The following DCDC1 variants were observed in gnomAD, a reference collection of about 807,000 sequenced individuals.
DCDC1 encodes the protein doublecortin domain containing 1.
DCDC1 carries 200 observed loss-of-function variants against 178.3 expected under a neutral mutation model. That is an observed-to-expected ratio of 1.12 (90% CI 1.00 to 1.26). DCDC1 has a LOEUF of 1.26. Ranked by LOEUF, DCDC1 falls within the 50% of genes most tolerant of loss-of-function variation. DCDC1 has a pLI of 0.00. For missense variants in DCDC1, 1,983 were observed against 1,749.2 expected (o/e 1.13, Z -2.38); for synonymous variants, 690 against 604.8 (o/e 1.14, Z -2.07).
intron 9 of DCDC1, among the ~76,000 whole-genome samples, chr11:31,210,054 G>A (rs896571802): frequency 1.1e-4 from 16 of 152,070 alleles, no homozygotes; most frequent in Non-Finnish European, 1.2e-4. Context: ...TGCTACATGG[G>A]GGGTATCCGA....
intron 9 of DCDC1, among the ~76,000 whole-genome samples, chr11:31,189,270 C>G (rs540607764): frequency 6.6e-6 from 1 of 152,088 alleles, no homozygotes; most frequent in Non-Finnish European, 1.5e-5. Context: ...TCCAAAGGCA[C>G]ACGAAATCTA....
intron 30 of DCDC1, among the ~76,000 whole-genome samples, chr11:30,906,049 G>A (rs1945038263): frequency 6.6e-6 from 1 of 152,192 alleles, no homozygotes; most frequent in Non-Finnish European, 1.5e-5. Flanking sequence ...TTATAGGAAA[G>A]CGGTAAGAGT....
intron 20 of DCDC1, among the ~76,000 whole-genome samples, chr11:30,983,478 T>C (rs564628631): frequency 2.0e-5 from 3 of 152,214 alleles, no homozygotes; most frequent in Admixed American, 6.5e-5. Flanking sequence ...TCTAAATTCA[T>C]ATAACTTTTA....
rs1030129320 is a variant in DCDC1 at position 31,366,824 on chromosome 11, G to A, written c.-125+2873C>T. Among the ~76,000 whole-genome samples the A allele has an allele frequency of 3.9e-5, 6 of 152,170 alleles. 1 individual carries two copies. Among genetic ancestry groups the A allele is most frequent in the Admixed American group, 2.0e-4 (3 of 15,270 alleles). Reference sequence around the variant, plus strand: ...TAAAATTAGGGGTTTATATAACAGGGAAGAAATGTTAACTACGTATGAGAA... The same window carrying A: ...TAAAATTAGGGGTTTATATAACAGGAAAGAAATGTTAACTACGTATGAGAA... On this transcript the variant is annotated intron_variant, in intron 1 of 38. Transcript: ENST00000684477.
chr11:31,056,220 T>C (rs1955575421), intron 20 of DCDC1, among the ~76,000 whole-genome samples: 1 of 151,710 alleles, frequency 6.6e-6, no homozygotes, highest in African/African-American at 2.4e-5. Flanking sequence ...ATCAAGATAA[T>C]TGGGAGAAAG....
intron 9 of DCDC1, among the ~76,000 whole-genome samples, chr11:31,228,467 G>T (rs1475353609): frequency 2.0e-5 from 3 of 151,906 alleles, no homozygotes; most frequent in Admixed American, 1.3e-4. Context: ...AAGTAGAAAG[G>T]TCTAAATCAA....
intron 9 of DCDC1, among the ~76,000 whole-genome samples, chr11:31,179,768 C>T (rs183724596): frequency 3.1e-4 from 47 of 152,236 alleles, no homozygotes; most frequent in Admixed American, 2.6e-3. Flanking sequence ...AAAAATATTT[C>T]CAAACTCATT....
chr11:31,328,634 T>TA (rs1307586391), intron 2 of DCDC1, among the ~76,000 whole-genome samples: 17 of 151,788 alleles, frequency 1.1e-4, no homozygotes, highest in Non-Finnish European at 2.1e-4. Context: ...CCGTCTCTAC[T>TA]AAAAATACAA....
Position 30,878,595 on chromosome 11 carries a change from G to C in DCDC1, c.5350C>G (p.Leu1784Val), listed in dbSNP as rs1422372008. ...GGTTCTGATAGGAGTTAATTGTGGA[G>C]ATGTGCCAGAGACAGCAGCTTCGTG... Reference protein sequence around the residue: ...PSTKLLSLAHLHN With the variant: ...PSTKLLSLAHVHN Residue 1784 changes from leucine to valine, a missense_variant, in exon 38 of 39, where the codon CTC (leucine) becomes GTC (valine). Coordinates refer to ENST00000684477, the MANE Select transcript of DCDC1 (RefSeq NM_001387274.1). The C allele has an allele frequency of 1.9e-6, 3 of 1,601,672 alleles. No individual in the cohort carries two copies.
At chr11:31,154,112 C>T (rs1965479529) in intron 9 of DCDC1, among the ~76,000 whole-genome samples, 1 of 152,162 alleles carries the variant, frequency 6.6e-6, no homozygotes, top group Non-Finnish European at 1.5e-5. Flanking sequence ...TCCCCTCACT[C>T]TCTCTCTCCT....
intron 7 of DCDC1, among the ~76,000 whole-genome samples, chr11:31,288,644 C>A (rs1947012381): frequency 6.6e-6 from 1 of 151,818 alleles, no homozygotes; most frequent in Non-Finnish European, 1.5e-5. Flanking sequence ...TTACATTCTA[C>A]TTCAGTTTTA....
rs369097377 is a variant in DCDC1 at position 31,305,729 on chromosome 11, G to T, written c.640C>A (p.Arg214=). Residue 214 remains arginine, a synonymous_variant, in exon 6 of 39, where the codon CGA becomes AGA. Coordinates refer to ENST00000684477, the MANE Select transcript of DCDC1 (RefSeq NM_001387274.1). ...EKLNLNMAAR[R]VFLADGKEAL... is the part of the protein sequence containing the mutation. ...TCCTTGCCGTCTGCCAAGAACACTC[G>T]TCTTGCGGCCATGTTCAGATTCAGC... The T allele has an allele frequency of 3.7e-6, 6 of 1,613,596 alleles. No homozygotes were observed. Among genetic ancestry groups the T allele is most frequent in the Admixed American group, 3.3e-5 (2 of 59,958 alleles).
intron 21 of DCDC1, among the ~76,000 whole-genome samples, chr11:30,940,876 C>T (rs756784186): frequency 4.7e-4 from 71 of 152,158 alleles, no homozygotes; most frequent in Non-Finnish European, 8.7e-4. Context: ...TTAATATAAG[C>T]ATTTAAGGCT....
chr11:30,892,937 G>A lies in DCDC1; in HGVS notation c.4963C>T (p.Arg1655Cys), dbSNP rs757353786. 2.0e-5 allele frequency: 32 copies of A among 1,613,810 alleles called. 2 individuals are homozygous for A. The South Asian group carries it at 2.6e-4, about 13-fold the overall frequency. Reference sequence around the variant, plus strand: ...AGGTTGCTCGGCTTGACTGCTATACGTTTGGTTGCAATTGGAAAATTTATT... The same window carrying A: ...AGGTTGCTCGGCTTGACTGCTATACATTTGGTTGCAATTGGAAAATTTATT... ...SKINFPIATKRIAVKPSNLYK... is the reference protein window; with the variant it reads ...SKINFPIATKCIAVKPSNLYK... The change falls in exon 36 of 39, where the codon CGT becomes TGT. Residue 1655 changes from arginine to cysteine, a missense_variant. Arg to Cys is a radical substitution (Grantham distance 180). Coordinates refer to ENST00000684477, the MANE Select transcript of DCDC1 (RefSeq NM_001387274.1).
At position 30,979,191 on chromosome 11, in the gene DCDC1, C is replaced by T. The variant is rs568251220; in HGVS notation, c.2592-26623G>A. Among the ~76,000 whole-genome samples the T allele has an allele frequency of 3.3e-5, 5 of 152,162 alleles. No individual in the cohort carries two copies. In the East Asian group the frequency reaches 9.7e-4, roughly 30 times the overall value. ...CAAAGAATAACTAAAATAGCAAGTA[C>T]ATCATCACACTTCGAATAGATCATC... On this transcript the variant is annotated intron_variant, in intron 20 of 38. Coordinates refer to ENST00000684477, the MANE Select transcript of DCDC1 (RefSeq NM_001387274.1).
intron 20 of DCDC1, among the ~76,000 whole-genome samples, chr11:31,041,459 T>C (rs1954442294): frequency 1.3e-5 from 2 of 152,190 alleles, no homozygotes; most frequent in South Asian, 2.1e-4. Flanking sequence ...TAAACATTGA[T>C]TTACTTAATC....
chr11:31,288,387 G>A (rs545964722), intron 7 of DCDC1, among the ~76,000 whole-genome samples: 44 of 151,904 alleles, frequency 2.9e-4, no homozygotes, highest in Non-Finnish European at 4.1e-4. Flanking sequence ...CTATAATTCC[G>A]GTATTCCAGA....
At chr11:31,293,105 T>C (rs1013089434) in intron 6 of DCDC1, among the ~76,000 whole-genome samples, 3 of 152,204 alleles carry the variant, frequency 2.0e-5, no homozygotes, top group Non-Finnish European at 4.4e-5. Context: ...AAATATCTTA[T>C]ATGTAAAATT....
chr11:31,332,958 T>C (rs183181644), intron 2 of DCDC1, among the ~76,000 whole-genome samples: 1 of 152,338 alleles, frequency 6.6e-6, no homozygotes, highest in African/African-American at 2.4e-5. Flanking sequence ...GTCTCATTGA[T>C]CTGTCTAATA....
Sources: gnomAD v4.1 joint callset for allele counts (sites outside exome capture counted in the v4.1 genomes callset) on GRCh38, gnomAD v4.1.1 for gene constraint, MANE v1.5 for transcripts, NCBI Gene and HGNC (gene_info 2026-07-23, HGNC 2026-07-21) for gene names.